Variants in PCDH15 observed in about 807,000 individuals in gnomAD.
The protein encoded by PCDH15 is protocadherin related 15.
Under a neutral mutation model 178.5 loss-of-function variants are expected in PCDH15, and 129 were observed. That is an observed-to-expected ratio of 0.72 (90% CI 0.63 to 0.84). PCDH15 has a LOEUF of 0.84. PCDH15 is among the 40% of genes least tolerant of loss of function. The pLI, the probability that PCDH15 is intolerant of heterozygous loss-of-function variation, is 0.00. For synonymous variants in PCDH15, 800 were observed against 732.0 expected (o/e 1.09, Z -1.50); for missense variants, 2,230 against 2,099.9 (o/e 1.06, Z -1.21).
chr10:55,318,002 A>C lies in PCDH15; in HGVS notation c.-156+1597T>G, dbSNP rs1843772353. On this transcript the variant is annotated intron_variant, in intron 1 of 5. Transcript: ENST00000458638. ...AATAGTGGGAAAAATTGTCGTCTAC[A>C]TAAAGTCTTAGTGAAAGATCAGAAG... Among the ~76,000 whole-genome samples, 15 of 152,314 alleles carry C rather than the reference A, an allele frequency of 9.8e-5. 1 individual carries two copies. In the South Asian group the frequency reaches 3.1e-3, roughly 32 times the overall value.
At chr10:55,404,636 C>T (rs1270368519) in intron 2 of PCDH15, among the ~76,000 whole-genome samples, 2 of 151,738 alleles carry the variant, frequency 1.3e-5, no homozygotes, top group Non-Finnish European at 2.9e-5. Flanking sequence ...TGTGTATATC[C>T]TATTTCTAAT....
At chr10:54,895,219 C>T (rs1954526203) in intron 3 of PCDH15, among the ~76,000 whole-genome samples, 1 of 152,094 alleles carries the variant, frequency 6.6e-6, no homozygotes. Context: ...CTCATAATTC[C>T]TCTTCCCCTA....
chr10:54,245,617 A>C (rs1240296568), intron 8 of PCDH15, among the ~76,000 whole-genome samples: 1 of 152,152 alleles, frequency 6.6e-6, no homozygotes. Flanking sequence ...ATGATTACTT[A>C]AAAATATTGC....
At chr10:55,062,876 T>C (rs1173484218) in intron 2 of PCDH15, among the ~76,000 whole-genome samples, 2 of 152,124 alleles carry the variant, frequency 1.3e-5, no homozygotes, top group Non-Finnish European at 2.9e-5. Context: ...CCTCTCAATT[T>C]TGATGTGAAT....
At chr10:55,277,194 T>C (rs908501725) in intron 1 of PCDH15, among the ~76,000 whole-genome samples, 2 of 152,106 alleles carry the variant, frequency 1.3e-5, no homozygotes, top group Non-Finnish European at 2.9e-5. Flanking sequence ...GTTTGATTAA[T>C]ATATATGGTC....
chr10:55,514,162 C>T (rs1475211043), intron 2 of PCDH15, among the ~76,000 whole-genome samples: 1 of 151,904 alleles, frequency 6.6e-6, no homozygotes, highest in African/African-American at 2.4e-5. Flanking sequence ...TATATGAATA[C>T]CTACATAACA....
chr10:54,946,479 T>A (rs1040522822), intron 2 of PCDH15, among the ~76,000 whole-genome samples: 1 of 151,732 alleles, frequency 6.6e-6, no homozygotes, highest in Admixed American at 6.6e-5. Flanking sequence ...AACAACACCC[T>A]AACGTTTTAT....
rs149540126 is a variant in PCDH15, at chr10:54,302,357, C to T, written c.876+14914G>A. ...ACACACTTTGTTGTTTTAGACTAGACTGTAAGTTCCAGCTGTGTCTGAATG... is the reference window on the plus strand; with the variant it reads ...ACACACTTTGTTGTTTTAGACTAGATTGTAAGTTCCAGCTGTGTCTGAATG... On this transcript the variant is annotated intron_variant, in intron 8 of 37. Coordinates refer to ENST00000644397, the MANE Select transcript of PCDH15 (RefSeq NM_001384140.1). Among the ~76,000 whole-genome samples, 386 of 152,260 alleles carry T rather than the reference C, an allele frequency of 2.5e-3. 1 individual carries two copies. Among genetic ancestry groups the T allele is most frequent in the African/African-American group, 6.9e-3 (288 of 41,546 alleles).
chr10:54,389,332 T>C (rs977394331), intron 3 of PCDH15, among the ~76,000 whole-genome samples: 1 of 152,196 alleles, frequency 6.6e-6, no homozygotes, highest in Non-Finnish European at 1.5e-5. Flanking sequence ...TCCATCACTC[T>C]GAACTTTTAA....
intron 1 of PCDH15, among the ~76,000 whole-genome samples, chr10:54,784,638 A>G (rs1950673729): frequency 6.7e-6 from 1 of 149,618 alleles, no homozygotes; most frequent in African/African-American, 2.6e-5. Context: ...CAAACAGATG[A>G]TATCTAACAT....
intron 21 of PCDH15, among the ~76,000 whole-genome samples, chr10:53,971,596 G>T (rs1589695675): frequency 6.6e-6 from 1 of 152,076 alleles, no homozygotes; most frequent in South Asian, 2.1e-4. Context: ...AAAGTCTCAG[G>T]ATACAAAATA....
rs950644812 is a variant in PCDH15, at chr10:54,152,997, T to C, written c.1784+103A>G. On this transcript the variant is annotated intron_variant, in intron 14 of 37. Transcript: ENST00000644397. ...GTCTCTCTGATTTTCTGATCTAATTTAGATGTTTATAGGATAAAAGAATAC... is the reference window on the plus strand; with the variant it reads ...GTCTCTCTGATTTTCTGATCTAATTCAGATGTTTATAGGATAAAAGAATAC... 5 of 1,290,638 alleles carry C rather than the reference T, an allele frequency of 3.9e-6. No individual in the cohort carries two copies. In the African/African-American group the frequency reaches 7.4e-5, roughly 19 times the overall value. 79.9% of individuals were successfully genotyped at this position (1,290,638 alleles called of 1,614,324 possible).
intron 3 of PCDH15, among the ~76,000 whole-genome samples, chr10:54,480,799 T>A (rs73255954): frequency 0.017 from 2,612 of 152,100 alleles, 72 homozygotes; most frequent in African/African-American, 0.06. Flanking sequence ...CAAATTAAAA[T>A]GGAATAAATA....
At chr10:54,231,741 G>T (rs1230395587) in intron 9 of PCDH15, among the ~76,000 whole-genome samples, 1 of 152,226 alleles carries the variant, frequency 6.6e-6, no homozygotes, top group Non-Finnish European at 1.5e-5. Flanking sequence ...CTGGATATGA[G>T]ACATGAAGTC....
At chr10:54,372,643 T>C (rs1222513975) in intron 4 of PCDH15, among the ~76,000 whole-genome samples, 2 of 151,888 alleles carry the variant, frequency 1.3e-5, no homozygotes, top group Non-Finnish European at 2.9e-5. Flanking sequence ...TGCTTTATCT[T>C]TCATAACTGG....
chr10:54,829,984 T>C (rs535874398), intron 3 of PCDH15, among the ~76,000 whole-genome samples: 4 of 152,248 alleles, frequency 2.6e-5, no homozygotes, highest in Admixed American at 6.6e-5. Context: ...CCATTATTTG[T>C]AGGGTCTCAT....
chr10:55,429,710 TA>T (rs1838838645), intron 2 of PCDH15, among the ~76,000 whole-genome samples: 1 of 152,202 alleles, frequency 6.6e-6, no homozygotes, highest in South Asian at 2.1e-4. Flanking sequence ...TTATGATATT[TA>T]TGTGTTAATC....
chr10:54,245,456 T>C (rs1446988656), intron 8 of PCDH15, among the ~76,000 whole-genome samples: 3 of 152,158 alleles, frequency 2.0e-5, no homozygotes, highest in African/African-American at 7.2e-5. Context: ...ATATTGACTT[T>C]ACCAAATAAA....
intron 2 of PCDH15, among the ~76,000 whole-genome samples, chr10:55,519,202 T>C (rs1841096110): frequency 6.6e-6 from 1 of 150,836 alleles, no homozygotes; most frequent in African/African-American, 2.5e-5. Flanking sequence ...AGCCTGTCCC[T>C]GTTGACTGAA....
Sources: gnomAD v4.1 joint callset for allele counts (sites outside exome capture counted in the v4.1 genomes callset) on GRCh38, gnomAD v4.1.1 for gene constraint, MANE v1.5 for transcripts, NCBI Gene and HGNC (gene_info 2026-07-23, HGNC 2026-07-21) for gene names.